LTBP1: variants seen among roughly 807,000 people sequenced by gnomAD.
LTBP1 encodes the protein latent-transforming growth factor beta-binding protein 1.
A neutral mutation model predicts 207.6 loss-of-function variants in LTBP1; 129 were observed. That is an observed-to-expected ratio of 0.62 (90% confidence interval 0.54 to 0.72). The LOEUF (loss-of-function observed/expected upper bound fraction) is 0.72, where lower values mean the gene tolerates loss of function less well. LTBP1 is among the 30% of genes least tolerant of loss of function. The pLI, the probability that LTBP1 is intolerant of heterozygous loss-of-function variation, is 0.00. For synonymous variants in LTBP1, 963 were observed against 833.7 expected, an observed-to-expected ratio of 1.16 and a Z score of -2.67; for missense variants, 2,281 against 2,217.2, an observed-to-expected ratio of 1.03 and a Z score of -0.58.
Position 33,103,225 on chromosome 2 carries a change from C to CTGTA in LTBP1, c.864-7355_864-7354insTATG, listed in dbSNP as rs201175861. ...GCAGTCTCTATGTTGTATATATAGTCTGCTGTATGCGCTGTCTGTATGCAG... is the reference window on the plus strand; with the variant it reads ...GCAGTCTCTATGTTGTATATATAGTCTGTATGCTGTATGCGCTGTCTGTATGCAG... On this transcript the variant is annotated intron_variant, in intron 3 of 33. Transcript: ENST00000404816. Among the ~76,000 whole-genome samples, 1,206 of 151,120 alleles carry CTGTA rather than the reference C, an allele frequency of 8.0e-3. 10 individuals carry two copies. The highest frequency in any genetic ancestry group is 0.01 in the Middle Eastern group (3 of 286).
intron 3 of LTBP1, among the ~76,000 whole-genome samples, chr2:33,026,491 G>A (rs1430332079): frequency 6.6e-6 from 1 of 152,168 alleles, no homozygotes; most frequent in Non-Finnish European, 1.5e-5. Context: ...ATTGCAGGAC[G>A]TACCCTTCTC....
chr2:33,254,852 GTTTTTTTT>G (rs70938393), intron 11 of LTBP1, among the ~76,000 whole-genome samples: 4 of 10,360 alleles, frequency 3.9e-4, no homozygotes, highest in East Asian at 5.7e-3. Context: ...GCGGTGTTTG[GTTTTTTTT>G]TTTTTTTTTT....
rs151227301 is a variant in LTBP1, at chr2:33,134,935, C to T, written c.1176C>T (p.Thr392=). Residue 392 remains threonine, a synonymous_variant, in exon 5 of 34, where the codon ACC becomes ACT. Coordinates refer to ENST00000404816, the MANE Select transcript of LTBP1 (RefSeq NM_206943.4). The surrounding 1 kb of genome is among the most constrained non-coding windows in gnomAD (Gnocchi z 4.4). ...GTGAGAATGGTCATGCTGCCGACAC[C>T]CTGACGGCCACGAACTTCCGAGTGG... ...LISENGHAAD[T]LTATNFRVVI... The T allele has an allele frequency of 1.3e-5, 21 of 1,612,994 alleles. No individual in the cohort carries two copies. The African/African-American group carries it at 2.0e-4, about 15-fold the overall frequency.
chr2:33,279,167 C>A (rs2093506496), intron 18 of LTBP1, among the ~76,000 whole-genome samples: 1 of 152,160 alleles, frequency 6.6e-6, no homozygotes, highest in African/African-American at 2.4e-5. Flanking sequence ...CATATAAATT[C>A]AAGATCCACC....
intron 3 of LTBP1, among the ~76,000 whole-genome samples, chr2:33,037,711 T>G (rs1192173225): frequency 1.3e-5 from 2 of 152,162 alleles, no homozygotes; most frequent in Non-Finnish European, 2.9e-5. Context: ...CCTGAAGATA[T>G]AGTTTTTATT....
chr2:33,293,869 A>G (rs1421676884), intron 20 of LTBP1, among the ~76,000 whole-genome samples: 1 of 152,000 alleles, frequency 6.6e-6, no homozygotes, highest in Non-Finnish European at 1.5e-5. Flanking sequence ...TTTTTTTCAA[A>G]CGTTATTTTT....
intron 5 of LTBP1, among the ~76,000 whole-genome samples, chr2:33,146,299 T>A (rs963083078): frequency 6.6e-6 from 1 of 152,292 alleles, no homozygotes; most frequent in East Asian, 1.9e-4. Context: ...CAAGACAAAA[T>A]CTAGACAAGA....
At position 33,342,919 on chromosome 2, in the gene LTBP1, G is replaced by C. The variant is rs1390190997; in HGVS notation, c.3812G>C (p.Cys1271Ser). The C allele has an allele frequency of 6.2e-7, 1 of 1,614,044 alleles. No individual in the cohort carries two copies. The highest frequency in any genetic ancestry group is 2.2e-5 in the East Asian group (1 of 44,886). The change falls in exon 25 of 34, where the codon TGT becomes TCT. Residue 1271 changes from cysteine (C) to serine (S), a missense_variant. This residue lies in a region of LTBP1 where 1,671 missense variants were observed against 1,634.8 expected (regional missense o/e 1.02). Coordinates refer to ENST00000404816, the MANE Select transcript of LTBP1 (RefSeq NM_206943.4). ...DNTAGSFRCL[C>S]YQGFQAPQDG... ...ACAGCTGGCTCCTTCCGCTGCCTCT[G>C]TTATCAGGGCTTTCAAGCCCCACAG...
intron 30 of LTBP1, 56 bp from the exon 31 acceptor site, chr2:33,365,277 T>C (rs2094971564): frequency 1.3e-6 from 2 of 1,484,140 alleles, no homozygotes; most frequent in Non-Finnish European, 9.3e-7. Flanking sequence ...TCCAACACAG[T>C]GTTTATAAAT....
chr2:33,140,993 A>G (rs1192656527), intron 5 of LTBP1, among the ~76,000 whole-genome samples: 3 of 152,294 alleles, frequency 2.0e-5, no homozygotes, highest in Non-Finnish European at 2.9e-5. Context: ...TAAGCTGTAG[A>G]CCACCTTTAA....
intron 24 of LTBP1, among the ~76,000 whole-genome samples, chr2:33,341,729 A>AAAAAAAAATATAT (rs745445793): frequency 8.5e-5 from 8 of 93,622 alleles, no homozygotes; most frequent in African/African-American, 3.6e-4. Flanking sequence ...AAAAAAAAAA[A>AAAAAAAAATATAT]ATATATATAT....
At chr2:33,294,900 A>G (rs141736523) in intron 20 of LTBP1, among the ~76,000 whole-genome samples, 24 of 150,896 alleles carry the variant, frequency 1.6e-4, no homozygotes, top group African/African-American at 4.6e-4. Context: ...TTTTTTTACT[A>G]TTTGGTTTTT....
At chr2:33,233,602 C>G (rs1217355176) in intron 9 of LTBP1, among the ~76,000 whole-genome samples, 1 of 152,018 alleles carries the variant, frequency 6.6e-6, no homozygotes, top group Non-Finnish European at 1.5e-5. Flanking sequence ...TATTTTCATC[C>G]TCCCCACCCT....
chr2:33,298,620 C>G (rs1461821410), intron 20 of LTBP1, among the ~76,000 whole-genome samples: 1 of 152,114 alleles, frequency 6.6e-6, no homozygotes, highest in African/African-American at 2.4e-5. Flanking sequence ...GGCAACCATT[C>G]CTAAAGCTAA....
intron 2 of LTBP1, among the ~76,000 whole-genome samples, chr2:32,981,079 G>A (rs1316548808): frequency 6.6e-6 from 1 of 152,092 alleles, no homozygotes; most frequent in Non-Finnish European, 1.5e-5. Flanking sequence ...TCTGCTTGGT[G>A]TTCTGTAACC....
intron 19 of LTBP1, chr2:33,291,604 T>A (rs1218186422): frequency 6.6e-6 from 1 of 152,170 alleles, no homozygotes; most frequent in African/African-American, 2.4e-5. Flanking sequence ...GGAAGTGCTA[T>A]TTTTGTTATC....
intron 7 of LTBP1, among the ~76,000 whole-genome samples, chr2:33,204,436 T>G (rs985859160): frequency 6.6e-6 from 1 of 152,216 alleles, no homozygotes; most frequent in Non-Finnish European, 1.5e-5. Flanking sequence ...TTTTGTATAT[T>G]TCTAAATATT....
intron 5 of LTBP1, among the ~76,000 whole-genome samples, chr2:33,167,326 T>TA (rs1012309052): frequency 3.1e-5 from 4 of 128,564 alleles, no homozygotes; most frequent in South Asian, 2.4e-4. Context: ...ACTTCCCAAT[T>TA]AAAAAAAGTT....
rs1440621892 is a variant in LTBP1, at chr2:33,316,033, A to G, written c.3730+764A>G. Reference sequence around the variant, plus strand: ...CTAATATCCTTATTTCCAAGGCAGTATATTTACTTACCTACCAGTATTTAT... The same window carrying G: ...CTAATATCCTTATTTCCAAGGCAGTGTATTTACTTACCTACCAGTATTTAT... On this transcript the variant is annotated intron_variant, in intron 24 of 33. Coordinates refer to ENST00000404816, the MANE Select transcript of LTBP1 (RefSeq NM_206943.4). 2.0e-5 allele frequency among the ~76,000 whole-genome samples: 3 copies of G among 152,230 alleles called. No homozygotes were observed. The South Asian group carries it at 6.2e-4, about 32-fold the overall frequency.
Sources: allele counts gnomAD v4.1 joint callset (sites outside exome capture counted in the v4.1 genomes callset), GRCh38; gene constraint gnomAD v4.1.1; regional missense constraint gnomAD v4.1.1; non-coding constraint Gnocchi (gnomAD v3.1); transcripts MANE v1.5; gene names NCBI Gene and HGNC (gene_info 2026-07-23, HGNC 2026-07-21).